SH3RF3: variants seen among roughly 807,000 people sequenced by gnomAD.
SH3RF3 encodes the protein E3 ubiquitin-protein ligase SH3RF3.
Under a neutral mutation model 66.3 loss-of-function variants are expected in SH3RF3, and 29 were observed. The ratio of observed to expected loss-of-function variants is 0.44; its 90% CI spans 0.33 to 0.60. The LOEUF is 0.60. Among genes scored for constraint, SH3RF3 ranks in the 20% least tolerant of loss-of-function variants. SH3RF3 has a pLI of 0.04. For synonymous variants in SH3RF3, 583 were observed against 532.0 expected, an observed-to-expected ratio of 1.10 and a Z score of -1.32; for missense variants, 1,194 against 1,190.9, an observed-to-expected ratio of 1.00 and a Z score of -0.04.
chr2:109,324,532 T>C (rs192133599), intron 1 of SH3RF3, among the ~76,000 whole-genome samples: 24 of 152,344 alleles, frequency 1.6e-4, no homozygotes, highest in African/African-American at 5.8e-4. Context: ...TTTAAAATAA[T>C]AATGAAAGTT....
At chr2:109,438,352 T>C (rs1440647327) in intron 7 of SH3RF3, among the ~76,000 whole-genome samples, 2 of 151,974 alleles carry the variant, frequency 1.3e-5, no homozygotes, top group African/African-American at 4.8e-5. Flanking sequence ...GGGTGAACTT[T>C]GGGTGCCCAA....
chr2:109,462,564 A>G (rs1559096685), intron 8 of SH3RF3, among the ~76,000 whole-genome samples: 1 of 152,116 alleles, frequency 6.6e-6, no homozygotes, highest in African/African-American at 2.4e-5. Context: ...CAAGTCTTTG[A>G]TGGTGGCACT....
intron 1 of SH3RF3, among the ~76,000 whole-genome samples, chr2:109,331,481 C>T (rs1036483670): frequency 3.9e-5 from 6 of 152,160 alleles, no homozygotes; most frequent in Non-Finnish European, 8.8e-5. Context: ...AACCTCAGGG[C>T]TCCCGCGTCT....
At chr2:109,433,684 A>G (rs1280177634) in intron 6 of SH3RF3, among the ~76,000 whole-genome samples, 1 of 152,210 alleles carries the variant, frequency 6.6e-6, no homozygotes, top group Non-Finnish European at 1.5e-5. Context: ...TGACTTGAGC[A>G]GCTCTAGTTC....
At chr2:109,449,114 C>T (rs1677791040) in intron 7 of SH3RF3, 56 bp from the exon 8 acceptor site, 3 of 1,559,420 alleles carry the variant, frequency 1.9e-6, no homozygotes, top group Middle Eastern at 1.7e-4. Flanking sequence ...GCCTGGCAGG[C>T]ATGGCAAGTT....
chr2:109,223,372 G>A (rs1679299923), intron 1 of SH3RF3, among the ~76,000 whole-genome samples: 1 of 152,202 alleles, frequency 6.6e-6, no homozygotes. Flanking sequence ...CGAAGAAGCA[G>A]GAGTGGCCAC....
intron 4 of SH3RF3, 73 bp from the exon 5 acceptor site, chr2:109,419,466 T>G (rs949262319): frequency 7.0e-5 from 102 of 1,458,672 alleles, no homozygotes; most frequent in Non-Finnish European, 9.4e-5. Context: ...GGATGCAGCC[T>G]CATTTTGCTT....
chr2:109,436,832 C>T lies in SH3RF3; in HGVS notation c.1575-61C>T, dbSNP rs572902589. 7.0e-6 allele frequency: 11 copies of T among 1,565,418 alleles called. No individual in the cohort carries two copies. In the South Asian group the frequency reaches 1.2e-4, roughly 17 times the overall value. On this transcript the variant is annotated intron_variant, in intron 6 of 9. Transcript: ENST00000309415. ...GGTCAGAGCGAGGCTCTGCCAGAGG[C>T]CCACATGGCACGAATGCCTCTGAGC... is the stretch of plus-strand genomic sequence containing the variant.
At chr2:109,425,732 A>G (rs1471713830) in intron 5 of SH3RF3, among the ~76,000 whole-genome samples, 1 of 151,826 alleles carries the variant, frequency 6.6e-6, no homozygotes, top group Non-Finnish European at 1.5e-5. Context: ...ATTACTGCTC[A>G]TTGCCAGTGT....
At chr2:109,486,912 T>C (rs1486710088) in intron 8 of SH3RF3, among the ~76,000 whole-genome samples, 1 of 152,166 alleles carries the variant, frequency 6.6e-6, no homozygotes, top group African/African-American at 2.4e-5. Flanking sequence ...GACGTTTTGT[T>C]CCTAACAGAT....
intron 1 of SH3RF3, among the ~76,000 whole-genome samples, chr2:109,338,373 G>T (rs982676129): frequency 3.9e-5 from 6 of 151,958 alleles, no homozygotes; most frequent in Non-Finnish European, 5.9e-5. Flanking sequence ...GAGCGCTGGG[G>T]ACCCAGTTCT....
intron 8 of SH3RF3, among the ~76,000 whole-genome samples, chr2:109,453,785 G>A (rs996528683): frequency 7.2e-5 from 11 of 152,198 alleles, no homozygotes; most frequent in East Asian, 1.9e-4. Flanking sequence ...ATTGACCTGC[G>A]TGTGGGAACA....
chr2:109,259,843 T>G (rs574057037), intron 1 of SH3RF3, among the ~76,000 whole-genome samples: 2 of 152,272 alleles, frequency 1.3e-5, no homozygotes, highest in South Asian at 2.1e-4. Flanking sequence ...GAGCATCTGG[T>G]GTTTGGACAG....
At chr2:109,247,567 C>A (rs540063363) in intron 1 of SH3RF3, among the ~76,000 whole-genome samples, 1 of 152,344 alleles carries the variant, frequency 6.6e-6, no homozygotes, top group East Asian at 1.9e-4. Context: ...TGCAGAAACT[C>A]TTGCCTGGTT....
At chr2:109,325,656 T>A (rs1196665328) in intron 1 of SH3RF3, among the ~76,000 whole-genome samples, 1 of 152,216 alleles carries the variant, frequency 6.6e-6, no homozygotes, top group Non-Finnish European at 1.5e-5. Context: ...TTCTCAGCAC[T>A]GATCGCTAGA....
chr2:109,341,084 T>C (rs1475732167), intron 1 of SH3RF3, among the ~76,000 whole-genome samples: 2 of 152,206 alleles, frequency 1.3e-5, no homozygotes, highest in Non-Finnish European at 2.9e-5. Context: ...TTGTCTTATT[T>C]CATCAATTCT....
intron 9 of SH3RF3, among the ~76,000 whole-genome samples, chr2:109,495,601 G>A (rs1679240230): frequency 7.2e-6 from 1 of 139,614 alleles, no homozygotes; most frequent in South Asian, 2.3e-4. Context: ...CAATTCTTGT[G>A]CCCAGCTTCC....
intron 4 of SH3RF3, among the ~76,000 whole-genome samples, chr2:109,415,394 C>G (rs1164257172): frequency 6.6e-6 from 1 of 152,184 alleles, no homozygotes; most frequent in Non-Finnish European, 1.5e-5. Flanking sequence ...AAGCATTGTT[C>G]CAGGGGGAGT....
intron 1 of SH3RF3, among the ~76,000 whole-genome samples, chr2:109,201,151 GTCTTCCT>G (rs1678663842): frequency 6.6e-6 from 1 of 152,204 alleles, no homozygotes; most frequent in South Asian, 2.1e-4. Context: ...GGCTTCACAC[GTCTTCCT>G]TCCGGCGGCC....
Sources: gnomAD v4.1 joint callset for allele counts (sites outside exome capture counted in the v4.1 genomes callset) on GRCh38, gnomAD v4.1.1 for gene constraint, MANE v1.5 for transcripts, NCBI Gene and HGNC (gene_info 2026-07-23, HGNC 2026-07-21) for gene names.